Variants in HMGN3 observed in about 807,000 individuals in gnomAD.
HMGN3 encodes the protein high mobility group nucleosome-binding domain-containing protein 3.
A neutral mutation model predicts 18.8 loss-of-function variants in HMGN3; 6 were observed. The observed-to-expected ratio is 0.32, with a 90% CI of 0.18 to 0.63. The LOEUF is 0.63. Among genes scored for constraint, HMGN3 ranks in the 30% least tolerant of loss-of-function variants. HMGN3 has a pLI of 0.79. For synonymous variants in HMGN3, 40 were observed against 36.5 expected, an observed-to-expected ratio of 1.10 and a Z score of -0.35; for missense variants, 107 against 114.2, an observed-to-expected ratio of 0.94 and a Z score of 0.29.
intron 4 of HMGN3, 118 bp from the exon 5 acceptor site, chr6:79,202,507 CT>C: frequency 3.6e-6 from 3 of 824,904 alleles, no homozygotes; most frequent in Admixed American, 2.0e-5. Flanking sequence ...TCATGGTGGC[CT>C]TTATGGAGAC....
intron 2 of HMGN3, 88 bp downstream of exon 2, chr6:79,214,884 C>T (rs1561992528): frequency 1.3e-6 from 1 of 773,088 alleles, no homozygotes; most frequent in East Asian, 2.7e-5. Context: ...ATACAATTGT[C>T]CGCATTTCAT....
intron 1 of HMGN3, among the ~76,000 whole-genome samples, chr6:79,218,737 G>A (rs66513375): frequency 0.048 from 7,279 of 152,178 alleles, 200 homozygotes; most frequent in South Asian, 0.1. Context: ...TAAGCTAGAT[G>A]GTGGTTTATT....
At chr6:79,209,599 CCTCATTACAATAG>C (rs1776583783) in intron 2 of HMGN3, among the ~76,000 whole-genome samples, 1 of 152,146 alleles carries the variant, frequency 6.6e-6, no homozygotes, top group Non-Finnish European at 1.5e-5. Context: ...GCAGACTTTG[CCTCATTACAATAG>C]CTTAAATGTT....
intron 3 of HMGN3, among the ~76,000 whole-genome samples, chr6:79,205,728 G>A (rs1776393405): frequency 1.3e-5 from 2 of 152,212 alleles, no homozygotes; most frequent in South Asian, 2.1e-4. Context: ...GACAGAGGTT[G>A]GAACAGTTTG....
exon 1 of HMGN3, chr6:79,234,625 T>G: frequency 6.5e-7 from 1 of 1,529,254 alleles, no homozygotes; most frequent in South Asian, 1.1e-5. Flanking sequence ...CGCCGCTGGA[T>G]GCTGCCTCTG....
At chr6:79,216,977 A>C (rs1777020059) in intron 1 of HMGN3, among the ~76,000 whole-genome samples, 1 of 152,238 alleles carries the variant, frequency 6.6e-6, no homozygotes, top group South Asian at 2.1e-4. Context: ...GATGTTAATG[A>C]CATTATTTTC....
At chr6:79,206,877 T>G (rs1206361947) in intron 3 of HMGN3, among the ~76,000 whole-genome samples, 1 of 152,220 alleles carries the variant, frequency 6.6e-6, no homozygotes, top group Non-Finnish European at 1.5e-5. Flanking sequence ...GAAACCCACG[T>G]CCTGCATCAG....
chr6:79,219,038 A>C (rs1203692997), intron 1 of HMGN3, among the ~76,000 whole-genome samples: 1 of 152,210 alleles, frequency 6.6e-6, no homozygotes, highest in Non-Finnish European at 1.5e-5. Flanking sequence ...GAAGCAGAGA[A>C]AGAGGTATCA....
chr6:79,233,825 G>A (rs1378363828), intron 1 of HMGN3: 1 of 152,410 alleles, frequency 6.6e-6, no homozygotes, highest in Non-Finnish European at 1.5e-5. Context: ...AGTCGCTGGG[G>A]AGGACCTGGT....
At chr6:79,228,306 G>A (rs1263170782) in intron 1 of HMGN3, among the ~76,000 whole-genome samples, 2 of 152,114 alleles carry the variant, frequency 1.3e-5, no homozygotes, top group Non-Finnish European at 2.9e-5. Flanking sequence ...CCAAGGCGAT[G>A]GTATCTTGCA....
chr6:79,207,793 G>C (rs1043494252), intron 3 of HMGN3, among the ~76,000 whole-genome samples: 1 of 152,100 alleles, frequency 6.6e-6, no homozygotes, highest in African/African-American at 2.4e-5. Context: ...TTCTGTAATA[G>C]CTAGTATGGG....
At chr6:79,224,788 G>A (rs1464584416) in intron 1 of HMGN3, among the ~76,000 whole-genome samples, 1 of 152,132 alleles carries the variant, frequency 6.6e-6, no homozygotes, top group Non-Finnish European at 1.5e-5. Flanking sequence ...TCTCTGTATT[G>A]TTATAACAGG....
chr6:79,201,918 A>G, intron 5 of HMGN3, 145 bp downstream of exon 6: 4 of 1,441,046 alleles, frequency 2.8e-6, no homozygotes, highest in Non-Finnish European at 2.7e-6. Context: ...ACTTTGTTTC[A>G]TTTATTGCTT....
exon 5 of HMGN3, chr6:79,202,360 A>G: frequency 6.2e-7 from 1 of 1,613,926 alleles, no homozygotes; most frequent in Non-Finnish European, 8.5e-7. Context: ...TCCCTTTAGC[A>G]CCTCTGCTAA....
At chr6:79,233,699 A>G (rs1034317045) in intron 1 of HMGN3, 2 of 152,266 alleles carry the variant, frequency 1.3e-5, no homozygotes, top group Non-Finnish European at 2.9e-5. Flanking sequence ...GGGCCTGCGC[A>G]GAAGAGGACA....
chr6:79,208,239 T>C (rs989573468), intron 3 of HMGN3, among the ~76,000 whole-genome samples: 2 of 152,168 alleles, frequency 1.3e-5, no homozygotes, highest in Non-Finnish European at 2.9e-5. Flanking sequence ...CAGCACATCA[T>C]AGGTACAATC....
Position 79,208,849 on chromosome 6 carries a change from A to G in HMGN3, c.67-273T>C, listed in dbSNP as rs574767270. 2.0e-5 allele frequency among the ~76,000 whole-genome samples: 3 copies of G among 151,538 alleles called. No homozygotes were observed. The East Asian group carries it at 5.8e-4, about 29-fold the overall frequency. ...TGTGGTGAATAAGTAAGGGAAATGA[A>G]GATCAACTTAGGCTTTATCCCAAAT... On this transcript the variant is annotated intron_variant, in intron 2 of 5. Coordinates refer to ENST00000344726, the Ensembl canonical transcript of HMGN3.
chr6:79,217,086 A>G (rs976669260), intron 1 of HMGN3, among the ~76,000 whole-genome samples: 4 of 152,228 alleles, frequency 2.6e-5, no homozygotes, highest in Admixed American at 2.6e-4. Flanking sequence ...AATTATTCAA[A>G]AAAGAGAAAC....
At chr6:79,201,889 A>G in intron 5 of HMGN3, 163 bp from the exon 7 acceptor site, 1 of 985,032 alleles carries the variant, frequency 1.0e-6, no homozygotes, top group Non-Finnish European at 1.2e-6. Context: ...AAGACAAGGC[A>G]GGAATATATT....
Sources: gnomAD v4.1 joint callset for allele counts (sites outside exome capture counted in the v4.1 genomes callset) on GRCh38, gnomAD v4.1.1 for gene constraint, MANE v1.5 for transcripts, NCBI Gene and HGNC (gene_info 2026-07-23, HGNC 2026-07-21) for gene names.